SPAG17: variants seen among roughly 807,000 people sequenced by gnomAD.
SPAG17 encodes sperm associated antigen 17, also known as sperm-associated antigen 17.
A neutral mutation model predicts 273.6 loss-of-function variants in SPAG17; 169 were observed. The ratio of observed to expected loss-of-function variants is 0.62; its 90% CI spans 0.55 to 0.70. The LOEUF is 0.70. SPAG17 is among the 30% of genes least tolerant of loss of function. The pLI, the probability that SPAG17 is intolerant of heterozygous loss-of-function variation, is 0.00. For synonymous variants in SPAG17, 825 were observed against 873.2 expected, an observed-to-expected ratio of 0.94 and a Z score of 0.97; for missense variants, 2,557 against 2,627.8, an observed-to-expected ratio of 0.97 and a Z score of 0.59.
At chr1:118,088,849 A>G (rs551313394) in intron 10 of SPAG17, among the ~76,000 whole-genome samples, 325 of 152,326 alleles carry the variant, frequency 2.1e-3, no homozygotes, top group African/African-American at 7.5e-3. Context: ...CTGAAACTCC[A>G]ACACCCATTC....
chr1:118,143,229 T>C (rs1658776068), intron 3 of SPAG17, among the ~76,000 whole-genome samples: 1 of 152,234 alleles, frequency 6.6e-6, no homozygotes, highest in African/African-American at 2.4e-5. Flanking sequence ...TCTAAGTAAC[T>C]AGCAGTAGCT....
intron 3 of SPAG17, among the ~76,000 whole-genome samples, chr1:118,116,830 G>C (rs962282679): frequency 1.3e-5 from 2 of 152,212 alleles, no homozygotes; most frequent in African/African-American, 2.4e-5. Context: ...TCCCTGCAAG[G>C]ACTCTAGGAA....
intron 3 of SPAG17, among the ~76,000 whole-genome samples, chr1:118,146,175 T>A (rs1204280001): frequency 6.6e-6 from 1 of 152,242 alleles, no homozygotes; most frequent in Admixed American, 6.5e-5. Context: ...TTTGCACATT[T>A]ATCCCATAAA....
At chr1:118,179,453 CA>C (rs1230153455) in intron 1 of SPAG17, among the ~76,000 whole-genome samples, 2 of 151,950 alleles carry the variant, frequency 1.3e-5, no homozygotes, top group African/African-American at 4.8e-5. Context: ...AAATGGATTG[CA>C]GACTTAAATC....
chr1:118,006,643 C>T (rs188741340), intron 31 of SPAG17, among the ~76,000 whole-genome samples: 1,760 of 152,256 alleles, frequency 0.012, 12 homozygotes, highest in South Asian at 0.018. Flanking sequence ...CTAAGTTTAC[C>T]TTTTGAGGAA....
rs755892849 is a variant in SPAG17, at chr1:118,081,081, ACACACACAC to A, written c.2209+11_2209+19del. The A allele has an allele frequency of 1.3e-6, 2 of 1,559,034 alleles. No individual in the cohort carries two copies. Among genetic ancestry groups the A allele is most frequent in the African/African-American group, 1.4e-5 (1 of 73,570 alleles). ...CTTACACACACACACACACACACAC[ACACACACAC>A]TTTAACTTACCCAGAGACTCATGTT... On this transcript the variant is annotated intron_variant, in intron 15 of 48. Coordinates refer to ENST00000336338, the MANE Select transcript of SPAG17 (RefSeq NM_206996.4).
intron 47 of SPAG17, chr1:117,964,510 A>G (rs1005655487): frequency 1.3e-5 from 2 of 152,130 alleles, no homozygotes; most frequent in Non-Finnish European, 2.9e-5. Flanking sequence ...TTCTTTGGCT[A>G]GTTTCCTTCT....
Position 118,100,542 on chromosome 1 carries a change from A to G in SPAG17, c.635-742T>C, listed in dbSNP as rs142536500. Among the ~76,000 whole-genome samples the G allele has an allele frequency of 2.3e-3, 355 of 152,282 alleles. 2 individuals are homozygous for G. The highest frequency in any genetic ancestry group is 7.5e-3 in the African/African-American group (311 of 41,560). ...AAAAGCCCATTAAGATCAATATATA[A>G]ATAGTGCAACAGAGGCACAACTTTT... is the stretch of plus-strand genomic sequence containing the variant. On this transcript the variant is annotated intron_variant, in intron 5 of 48. Coordinates refer to ENST00000336338, the MANE Select transcript of SPAG17 (RefSeq NM_206996.4).
intron 16 of SPAG17, 94 bp downstream of exon 16, chr1:118,074,445 A>T (rs952477644): frequency 1.1e-5 from 11 of 1,033,812 alleles, no homozygotes. Flanking sequence ...CCTTCTAAGT[A>T]TCTTCTTTTT....
At chr1:118,090,229 T>C (rs962390729) in intron 10 of SPAG17, among the ~76,000 whole-genome samples, 14 of 152,204 alleles carry the variant, frequency 9.2e-5, no homozygotes, top group African/African-American at 3.1e-4. Context: ...GTGCTACTAG[T>C]ATGAATCACA....
intron 4 of SPAG17, among the ~76,000 whole-genome samples, chr1:118,102,827 A>G (rs929893523): frequency 6.6e-6 from 1 of 152,206 alleles, no homozygotes; most frequent in Non-Finnish European, 1.5e-5. Context: ...CATCCAGCTA[A>G]CAGAATGTAA....
In SPAG17 at chr1:118,134,033, A is replaced by T. The variant is rs79921292; in HGVS notation, c.315+16510T>A. On this transcript the variant is annotated intron_variant, in intron 3 of 48. Transcript: ENST00000336338. ...AAATAAAAGGTTGAAGAGGGCATGG[A>T]TAAATTGGAACTATCAGAAGGACTG... is the stretch of plus-strand genomic sequence containing the variant. Among the ~76,000 whole-genome samples, 1,420 of 152,348 alleles carry T rather than the reference A, an allele frequency of 9.3e-3. 28 individuals carry two copies. The highest frequency in any genetic ancestry group is 0.033 in the African/African-American group (1,357 of 41,576).
intron 3 of SPAG17, among the ~76,000 whole-genome samples, chr1:118,127,469 A>T (rs938870682): frequency 1.3e-5 from 2 of 152,090 alleles, no homozygotes; most frequent in African/African-American, 4.8e-5. Context: ...TCTCATGTGA[A>T]CTCAGAGCAA....
intron 1 of SPAG17, among the ~76,000 whole-genome samples, chr1:118,158,674 G>C (rs953302376): frequency 2.0e-5 from 3 of 152,166 alleles, no homozygotes; most frequent in Admixed American, 2.0e-4. Context: ...GCTCATTACA[G>C]ACCTTAGCAG....
At chr1:117,978,771 T>C (rs1243271797) in intron 43 of SPAG17, among the ~76,000 whole-genome samples, 2 of 151,984 alleles carry the variant, frequency 1.3e-5, no homozygotes, top group Non-Finnish European at 2.9e-5. Flanking sequence ...CTTGCAGGGG[T>C]GAGGGGCATT....
At chr1:118,129,974 G>C (rs1286151977) in intron 3 of SPAG17, among the ~76,000 whole-genome samples, 2 of 152,042 alleles carry the variant, frequency 1.3e-5, no homozygotes, top group African/African-American at 4.8e-5. Flanking sequence ...TAAGTTCTTG[G>C]TTTCTCCACA....
chr1:118,159,154 T>C (rs1659791881), intron 1 of SPAG17, among the ~76,000 whole-genome samples: 1 of 152,232 alleles, frequency 6.6e-6, no homozygotes, highest in Non-Finnish European at 1.5e-5. Flanking sequence ...GAATTTGAAT[T>C]AGAGAAAGAG....
chr1:118,180,318 G>A (rs764970985), intron 1 of SPAG17, among the ~76,000 whole-genome samples: 9 of 152,104 alleles, frequency 5.9e-5, no homozygotes, highest in East Asian at 3.9e-4. Context: ...TGGAACTGGC[G>A]TTCATTATGT....
intron 3 of SPAG17, among the ~76,000 whole-genome samples, chr1:118,149,800 G>T (rs1399461914): frequency 6.6e-6 from 1 of 152,230 alleles, no homozygotes; most frequent in African/African-American, 2.4e-5. Flanking sequence ...TAGGTCGGCT[G>T]CTCCATAAAA....
Sources: gnomAD v4.1 joint callset for allele counts (sites outside exome capture counted in the v4.1 genomes callset) on GRCh38, gnomAD v4.1.1 for gene constraint, MANE v1.5 for transcripts, NCBI Gene and HGNC (gene_info 2026-07-23, HGNC 2026-07-21) for gene names.